ZNF680: variants seen among roughly 807,000 people sequenced by gnomAD.
ZNF680 encodes the protein hypothetical protein FLJ90430.
ZNF680 carries 6 observed loss-of-function variants against 12.1 expected under a neutral mutation model. The ratio of observed to expected loss-of-function variants is 0.49; its 90% CI spans 0.27 to 0.98. The LOEUF (loss-of-function observed/expected upper bound fraction) is 0.98, where lower values mean the gene tolerates loss of function less well. ZNF680 is among the 50% of genes least tolerant of loss of function. ZNF680 has a pLI of 0.12. For missense variants in ZNF680, 561 were observed against 616.3 expected (o/e 0.91, Z 0.95); for synonymous variants, 170 against 199.3 (o/e 0.85, Z 1.24).
intron 1 of ZNF680, among the ~76,000 whole-genome samples, chr7:64,558,306 G>A (rs1229290830): frequency 6.6e-6 from 1 of 152,162 alleles, no homozygotes; most frequent in Non-Finnish European, 1.5e-5. Flanking sequence ...AATTCCTGAT[G>A]GTGGTGCCTA....
chr7:64,501,334 G>A, the ZNF680 span: 1 of 1,218,940 alleles, frequency 8.2e-7, no homozygotes, highest in Admixed American at 1.7e-5. Context: ...GGGCAAAAGT[G>A]GCTTCAATTC....
the ZNF680 span, among the ~76,000 whole-genome samples, chr7:64,513,637 CTTTT>C: frequency 1.3e-5 from 2 of 148,340 alleles, no homozygotes; most frequent in African/African-American, 2.5e-5. Context: ...AGCTTTCTTT[CTTTT>C]AATTAAAAAT....
intron 1 of ZNF680, among the ~76,000 whole-genome samples, chr7:64,559,983 G>T (rs926165612): frequency 6.6e-6 from 1 of 152,010 alleles, no homozygotes. Flanking sequence ...CAAGATAACA[G>T]GGTATAGACT....
chr7:64,518,777 T>TAAGTATTTGG (rs1791406397), downstream of ZNF680, among the ~76,000 whole-genome samples: 1 of 151,784 alleles, frequency 6.6e-6, no homozygotes, highest in African/African-American at 2.4e-5. Flanking sequence ...TGGAGGGATG[T>TAAGTATTTGG]TTAGCAAGCC....
At position 64,521,581 on chromosome 7, in the gene ZNF680, T is replaced by C. The variant is rs1422223960; in HGVS notation, c.1173A>G (p.Ser391=). ...GAATTCTCATATGTTCAGTAAGGTTTGAGGACTGTATAAAAGCTTTGCCGC... is the reference window on the plus strand; with the variant it reads ...GAATTCTCATATGTTCAGTAAGGTTCGAGGACTGTATAAAAGCTTTGCCGC... ...EECGKAFIQS[S]NLTEHMRIHT... Residue 391 remains serine, a synonymous_variant, in exon 4 of 4, where the codon TCA becomes TCG. Coordinates refer to ENST00000309683, the MANE Select transcript of ZNF680 (RefSeq NM_178558.5). 1.9e-6 allele frequency: 3 copies of C among 1,612,684 alleles called. No individual in the cohort carries two copies. The highest frequency in any genetic ancestry group is 1.7e-5 in the Admixed American group (1 of 59,994).
At chr7:64,562,877 T>C in intron 1 of ZNF680, 48 bp downstream of exon 1, 1 of 1,611,646 alleles carries the variant, frequency 6.2e-7, no homozygotes, top group Non-Finnish European at 8.5e-7. Context: ...TCCGACCGGT[T>C]CCAACCAGCC....
At chr7:64,554,505 A>T (rs1787293012) in intron 1 of ZNF680, among the ~76,000 whole-genome samples, 1 of 152,236 alleles carries the variant, frequency 6.6e-6, no homozygotes, top group African/African-American at 2.4e-5. Context: ...CCAACAGCTC[A>T]TTGAGAACGG....
the ZNF680 span, among the ~76,000 whole-genome samples, chr7:64,503,419 C>T: frequency 8.2e-6 from 1 of 121,558 alleles, no homozygotes; most frequent in African/African-American, 3.2e-5. Flanking sequence ...TTTCACCTGT[C>T]ATCCAGGCTG....
chr7:64,501,312 C>T, the ZNF680 span: 1 of 1,162,830 alleles, frequency 8.6e-7, no homozygotes. Flanking sequence ...TTTCAGAAAA[C>T]ACCTCATGAA....
chr7:64,506,315 C>G, the ZNF680 span, among the ~76,000 whole-genome samples: 1 of 151,824 alleles, frequency 6.6e-6, no homozygotes, highest in Non-Finnish European at 1.5e-5. Context: ...CATTCTCCTG[C>G]CTCGACCTCC....
intron 3 of ZNF680, among the ~76,000 whole-genome samples, chr7:64,528,872 A>G (rs185476112): frequency 6.6e-6 from 1 of 152,278 alleles, no homozygotes; most frequent in Non-Finnish European, 1.5e-5. Flanking sequence ...AATCAGCACA[A>G]TAAGAGAGCA....
chr7:64,548,519 GT>G (rs1786896716), intron 1 of ZNF680, among the ~76,000 whole-genome samples: 1 of 152,158 alleles, frequency 6.6e-6, no homozygotes, highest in African/African-American at 2.4e-5. Flanking sequence ...GAAGCAATTA[GT>G]TTATCTATTT....
rs759033049 is a variant in ZNF680, at chr7:64,544,326, T to C, written c.137A>G (p.Tyr46Cys). The C allele has an allele frequency of 4.4e-6, 7 of 1,603,782 alleles. No individual in the cohort carries two copies. In the Admixed American group the frequency reaches 6.7e-5, roughly 15 times the overall value. Residue 46 changes from tyrosine to cysteine, a missense_variant, in exon 2 of 4, where the codon TAC becomes TGC. Coordinates refer to ENST00000309683, the MANE Select transcript of ZNF680 (RefSeq NM_178558.5). ...NLYRKVMFEN[Y>C]RNLVFLGIAV... ...CTCACCCAGGAAGACCAGGTTTCTG[T>C]AGTTCTCAAACATCACTTTCCTATA...
chr7:64,546,455 T>C (rs1221656968), intron 1 of ZNF680, among the ~76,000 whole-genome samples: 1 of 152,104 alleles, frequency 6.6e-6, no homozygotes, highest in African/African-American at 2.4e-5. Context: ...AAATACAAGT[T>C]TCTCGGCCAG....
At chr7:64,526,432 G>A (rs939192994) in intron 3 of ZNF680, 1 of 1,484,774 alleles carries the variant, frequency 6.7e-7, no homozygotes. Flanking sequence ...GATTATTTCT[G>A]TAATCCCACA....
chr7:64,501,524 G>A, the ZNF680 span: 1 of 775,602 alleles, frequency 1.3e-6, no homozygotes, highest in Non-Finnish European at 2.3e-6. Context: ...AGTGAGAAGA[G>A]GAACAGAGCA....
intron 1 of ZNF680, among the ~76,000 whole-genome samples, chr7:64,545,252 A>C (rs1445538656): frequency 7.9e-6 from 1 of 127,120 alleles, no homozygotes; most frequent in Non-Finnish European, 1.6e-5. Context: ...CAACAGAGTG[A>C]GACTCCATCT....
At chr7:64,535,524 C>T (rs1327518377) in intron 3 of ZNF680, among the ~76,000 whole-genome samples, 1 of 151,876 alleles carries the variant, frequency 6.6e-6, no homozygotes, top group African/African-American at 2.4e-5. Flanking sequence ...GTTCTCTATA[C>T]GAGACTCATT....
At chr7:64,554,696 C>G (rs1256701832) in intron 1 of ZNF680, among the ~76,000 whole-genome samples, 1 of 152,092 alleles carries the variant, frequency 6.6e-6, no homozygotes, top group Non-Finnish European at 1.5e-5. Flanking sequence ...GCCCCCAACC[C>G]CGTGCTCTCT....
Sources: allele counts gnomAD v4.1 joint callset (sites outside exome capture counted in the v4.1 genomes callset), GRCh38; gene constraint gnomAD v4.1.1; transcripts MANE v1.5; gene names NCBI Gene and HGNC (gene_info 2026-07-23, HGNC 2026-07-21).